GPAT3: variants seen among roughly 807,000 people sequenced by gnomAD.
GPAT3 encodes the protein 1-AGP acyltransferase 9.
A neutral mutation model predicts 58.8 loss-of-function variants in GPAT3; 53 were observed. That is an observed-to-expected ratio of 0.90 (90% CI 0.72 to 1.13). The LOEUF is 1.13. Among genes scored for constraint, GPAT3 ranks in the 50% most tolerant of loss-of-function variants. The pLI is 0.00. For missense variants in GPAT3, 511 were observed against 527.6 expected (o/e 0.97, Z 0.31); for synonymous variants, 197 against 187.4 (o/e 1.05, Z -0.42).
chr4:83,574,851 T>C (rs1349500451), intron 2 of GPAT3, among the ~76,000 whole-genome samples: 3 of 149,048 alleles, frequency 2.0e-5, no homozygotes, highest in Admixed American at 6.7e-5. Flanking sequence ...TTTGGTCTAC[T>C]CCCGAACATT....
chr4:83,603,443 G>A (rs1270800554), intron 11 of GPAT3, among the ~76,000 whole-genome samples: 1 of 152,192 alleles, frequency 6.6e-6, no homozygotes, highest in African/African-American at 2.4e-5. Flanking sequence ...TTCGGAATCT[G>A]TTTTGGAATA....
intron 1 of GPAT3, among the ~76,000 whole-genome samples, chr4:83,538,669 C>G (rs532063296): frequency 3.9e-5 from 6 of 152,292 alleles, no homozygotes; most frequent in East Asian, 1.9e-4. Flanking sequence ...TGCTGTCAGC[C>G]TGGCAAATTA....
intron 2 of GPAT3, among the ~76,000 whole-genome samples, chr4:83,551,813 A>AAAATCTTTCTATCTATCT (rs768726930): frequency 9.8e-6 from 1 of 102,400 alleles, no homozygotes; most frequent in African/African-American, 4.7e-5. Flanking sequence ...AAAAAAAAAA[A>AAAATCTTTCTATCTATCT]ATCTATCTAT....
At chr4:83,560,447 G>A (rs1725090120) in intron 2 of GPAT3, among the ~76,000 whole-genome samples, 1 of 151,834 alleles carries the variant, frequency 6.6e-6, no homozygotes, top group Non-Finnish European at 1.5e-5. Flanking sequence ...TTGTATTTAA[G>A]TGACATCACA....
intron 2 of GPAT3, among the ~76,000 whole-genome samples, chr4:83,549,441 T>TTGTG (rs1553943570): frequency 6.5e-5 from 8 of 122,146 alleles, no homozygotes; most frequent in Non-Finnish European, 1.0e-4. Context: ...CTTTTTTATT[T>TTGTG]TGCGTGTGTG....
intron 2 of GPAT3, 120 bp from the exon 3 acceptor site, chr4:83,581,442 G>A: frequency 9.4e-7 from 1 of 1,058,460 alleles, no homozygotes; most frequent in African/African-American, 1.6e-5. Flanking sequence ...GATGGCTGAT[G>A]TCACCCATTA....
chr4:83,574,624 A>ATTTTTTTTTTT lies in GPAT3; in HGVS notation c.209-6895_209-6885dup, dbSNP rs561972057. On this transcript the variant is annotated intron_variant, in intron 2 of 11. Coordinates refer to ENST00000264409, the MANE Select transcript of GPAT3 (RefSeq NM_032717.5). ...AAAGCTGACTTGTAAAGTAAAATGA[A>ATTTTTTTTTTT]TTTTTTTTTTTTTTTTTTTTTTTTT... 5.2e-4 allele frequency among the ~76,000 whole-genome samples: 29 copies of ATTTTTTTTTTT among 55,592 alleles called. 1 individual carries two copies. The highest frequency in any genetic ancestry group is 7.0e-4 in the Non-Finnish European group (20 of 28,576). The allele number at this position is 55,592 out of a possible 152,430, so 36.5% of individuals were successfully genotyped here.
At chr4:83,535,910 T>C (rs1322649735), upstream of GPAT3, 3 of 985,376 alleles carry the variant, frequency 3.0e-6, no homozygotes, top group East Asian at 1.1e-4. Context: ...TATTGACATT[T>C]TTCAGATGAA....
intron 2 of GPAT3, among the ~76,000 whole-genome samples, chr4:83,578,948 T>TTTC (rs1553946756): frequency 0.054 from 3,885 of 71,780 alleles, 515 homozygotes; most frequent in Middle Eastern, 0.069. Flanking sequence ...TTTTCTTTTC[T>TTTC]TTTCTTTCTT....
intron 3 of GPAT3, among the ~76,000 whole-genome samples, chr4:83,584,129 A>G (rs1250131038): frequency 2.6e-5 from 4 of 152,228 alleles, no homozygotes; most frequent in Non-Finnish European, 5.9e-5. Flanking sequence ...AGCTTTCACC[A>G]TGCTGTGGGG....
intron 2 of GPAT3, 67 bp from the exon 3 acceptor site, chr4:83,581,495 A>C: frequency 1.3e-6 from 2 of 1,522,420 alleles, no homozygotes; most frequent in Non-Finnish European, 1.8e-6. Context: ...TACACAGTTA[A>C]AGTTGCCCTT....
chr4:83,551,807 A>AG (rs1255006234), intron 2 of GPAT3, among the ~76,000 whole-genome samples: 1 of 71,654 alleles, frequency 1.4e-5, no homozygotes, highest in African/African-American at 6.9e-5. Flanking sequence ...AAAAAAAAAA[A>AG]AAAAAAATCT....
At chr4:83,546,221 G>A (rs1173651780) in intron 2 of GPAT3, among the ~76,000 whole-genome samples, 2 of 152,108 alleles carry the variant, frequency 1.3e-5, no homozygotes, top group East Asian at 3.9e-4. Context: ...CTGACCTCAA[G>A]CGATCCTCCC....
intron 6 of GPAT3, 34 bp downstream of exon 6, chr4:83,590,326 C>T: frequency 1.3e-6 from 2 of 1,592,142 alleles, no homozygotes; most frequent in Non-Finnish European, 1.7e-6. Context: ...CAAGTAGTTG[C>T]ATGTTTTATG....
chr4:83,584,126 A>G (rs1212831942), intron 3 of GPAT3, among the ~76,000 whole-genome samples: 2 of 152,330 alleles, frequency 1.3e-5, no homozygotes, highest in African/African-American at 4.8e-5. Context: ...GTTAGCTTTC[A>G]CCATGCTGTG....
At chr4:83,559,402 C>A (rs1042310146) in intron 2 of GPAT3, among the ~76,000 whole-genome samples, 1 of 152,062 alleles carries the variant, frequency 6.6e-6, no homozygotes, top group Non-Finnish European at 1.5e-5. Context: ...CTGCTCACTG[C>A]AACCCCTGCT....
At chr4:83,573,218 C>A (rs1300315825) in intron 2 of GPAT3, among the ~76,000 whole-genome samples, 2 of 152,142 alleles carry the variant, frequency 1.3e-5, no homozygotes, top group African/African-American at 4.8e-5. Context: ...TGGTTCACTG[C>A]AACCTCCTCT....
At chr4:83,540,241 A>G (rs1724248176) in intron 1 of GPAT3, among the ~76,000 whole-genome samples, 1 of 150,872 alleles carries the variant, frequency 6.6e-6, no homozygotes, top group South Asian at 2.1e-4. Flanking sequence ...TCCCTCCAAG[A>G]GGATTTGGAA....
At chr4:83,581,962 C>T (rs1286758484) in intron 3 of GPAT3, 130 bp downstream of exon 3, 55 of 1,261,410 alleles carry the variant, frequency 4.4e-5, no homozygotes, top group Non-Finnish European at 5.4e-5. Context: ...TGCCACCAAA[C>T]ATGACCTCTA....
Sources: gnomAD v4.1 joint callset for allele counts (sites outside exome capture counted in the v4.1 genomes callset) on GRCh38, gnomAD v4.1.1 for gene constraint, MANE v1.5 for transcripts, NCBI Gene and HGNC (gene_info 2026-07-23, HGNC 2026-07-21) for gene names.